COL19A1: variants seen among roughly 807,000 people sequenced by gnomAD.
The protein encoded by COL19A1 is collagen alpha-1(XIX) chain.
A neutral mutation model predicts 190.2 loss-of-function variants in COL19A1; 159 were observed. That is an observed-to-expected ratio of 0.84 (90% CI 0.73 to 0.95). The LOEUF (loss-of-function observed/expected upper bound fraction) is 0.95. Among genes scored for constraint, COL19A1 ranks in the 40% least tolerant of loss-of-function variants. The pLI is 0.00. For synonymous variants in COL19A1, 509 were observed against 458.9 expected (o/e 1.11, Z -1.39); for missense variants, 1,418 against 1,431.9 (o/e 0.99, Z 0.16).
Position 70,063,803 on chromosome 6 carries a change from T to C in COL19A1, c.1171-4620T>C, listed in dbSNP as rs1351971419. The stretch of plus-strand genomic sequence containing the variant: ...AAAATGATAAAGGGGATATCACCAC[T>C]GATCCCACAGAAATACAAACTACCA... On this transcript the variant is annotated intron_variant, in intron 14 of 50. Transcript: ENST00000620364. Among the ~76,000 whole-genome samples, 6 of 152,246 alleles carry C rather than the reference T, an allele frequency of 3.9e-5. No individual in the cohort carries two copies. The South Asian group carries it at 6.2e-4, about 16-fold the overall frequency.
chr6:70,130,329 G>T, intron 18 of COL19A1, 106 bp downstream of exon 18: 1 of 861,330 alleles, frequency 1.2e-6, no homozygotes, highest in Non-Finnish European at 1.8e-6. Flanking sequence ...AGGTTCAAGT[G>T]ATTCTCCTGC....
intron 2 of COL19A1, among the ~76,000 whole-genome samples, chr6:69,886,157 A>G (rs1768917444): frequency 6.6e-6 from 1 of 152,274 alleles, no homozygotes; most frequent in Admixed American, 6.5e-5. Flanking sequence ...ATCTGATTTA[A>G]AAATGGACAA....
At chr6:69,994,425 T>C (rs137982221) in intron 11 of COL19A1, among the ~76,000 whole-genome samples, 13 of 152,258 alleles carry the variant, frequency 8.5e-5, no homozygotes, top group South Asian at 2.1e-4. Flanking sequence ...TAGTGAGTCA[T>C]TGGACCTAGT....
At chr6:70,171,204 T>C (rs1353038711) in intron 40 of COL19A1, among the ~76,000 whole-genome samples, 1 of 152,192 alleles carries the variant, frequency 6.6e-6, no homozygotes, top group Non-Finnish European at 1.5e-5. Flanking sequence ...GTGTATTTTA[T>C]TGGAAGACAA....
At chr6:70,010,138 C>T (rs531346575) in intron 11 of COL19A1, among the ~76,000 whole-genome samples, 3 of 152,206 alleles carry the variant, frequency 2.0e-5, no homozygotes, top group Non-Finnish European at 2.9e-5. Flanking sequence ...AGACAAAGCA[C>T]ACCATGGGAG....
chr6:70,149,231 C>T (rs374353305), intron 27 of COL19A1, among the ~76,000 whole-genome samples: 13 of 151,918 alleles, frequency 8.6e-5, no homozygotes, highest in African/African-American at 3.1e-4. Context: ...TTTATTTATC[C>T]GAAATTCTAA....
chr6:70,051,593 C>T (rs1780205200), intron 14 of COL19A1, among the ~76,000 whole-genome samples: 1 of 152,144 alleles, frequency 6.6e-6, no homozygotes, highest in Admixed American at 6.6e-5. Flanking sequence ...CTTTAACATT[C>T]TAAACAGTAA....
chr6:70,174,771 A>G (rs2150278105), intron 41 of COL19A1, among the ~76,000 whole-genome samples: 1 of 152,308 alleles, frequency 6.6e-6, no homozygotes, highest in Non-Finnish European at 1.5e-5. Context: ...AATTTTAACT[A>G]GGCAAGAGAG....
At chr6:70,095,589 A>G (rs1783201982) in intron 15 of COL19A1, among the ~76,000 whole-genome samples, 1 of 152,228 alleles carries the variant, frequency 6.6e-6, no homozygotes, top group Non-Finnish European at 1.5e-5. Context: ...TATACACTTC[A>G]GTAGTGTCAA....
chr6:69,931,672 A>G (rs1332375598), intron 6 of COL19A1, among the ~76,000 whole-genome samples: 3 of 152,100 alleles, frequency 2.0e-5, no homozygotes, highest in Non-Finnish European at 4.4e-5. Context: ...AATTAACCTT[A>G]ATAACCTTGC....
intron 16 of COL19A1, among the ~76,000 whole-genome samples, chr6:70,118,903 A>G (rs1347285763): frequency 2.0e-5 from 3 of 152,210 alleles, no homozygotes; most frequent in Non-Finnish European, 4.4e-5. Flanking sequence ...GCTCAGCAGC[A>G]GCCAGATCAG....
chr6:69,909,959 G>T (rs947463958), intron 4 of COL19A1, among the ~76,000 whole-genome samples: 2 of 152,154 alleles, frequency 1.3e-5, no homozygotes, highest in African/African-American at 4.8e-5. Flanking sequence ...ACAGGGTAGA[G>T]ATTACATCCA....
chr6:70,097,965 C>A (rs1212743547), intron 15 of COL19A1, among the ~76,000 whole-genome samples: 1 of 152,176 alleles, frequency 6.6e-6, no homozygotes, highest in Non-Finnish European at 1.5e-5. Context: ...CACCCAAGTC[C>A]CCACCTTTTG....
At chr6:70,120,658 CA>C (rs1275399203) in intron 16 of COL19A1, among the ~76,000 whole-genome samples, 2 of 152,142 alleles carry the variant, frequency 1.3e-5, no homozygotes, top group African/African-American at 2.4e-5. Flanking sequence ...TTTGTCTTTC[CA>C]ATCATAGGCA....
rs183487339 is a variant in COL19A1, at chr6:70,123,973, A to T, written c.1341+2031A>T. ...CTTAAAGCATAATAATAATAAATTT[A>T]AAAAAAAAACTAAAAAAAAAAGTGG... On this transcript the variant is annotated intron_variant, in intron 17 of 50. Transcript: ENST00000620364. Among the ~76,000 whole-genome samples, 554 of 143,976 alleles carry T rather than the reference A, an allele frequency of 3.8e-3. 7 individuals are homozygous for T. Among genetic ancestry groups the T allele is most frequent in the East Asian group, 0.013 (47 of 3,678 alleles). The allele number at this position is 143,976 out of a possible 152,430, so 94.5% of individuals were successfully genotyped here. A position where few individuals can be genotyped will look rare whatever the true frequency, so the allele number is the denominator to read the frequency against.
intron 15 of COL19A1, among the ~76,000 whole-genome samples, chr6:70,074,249 A>G (rs1251709809): frequency 6.6e-6 from 1 of 152,166 alleles, no homozygotes; most frequent in African/African-American, 2.4e-5. Context: ...CTGTAATCCC[A>G]GCACTTTGGA....
chr6:69,972,084 T>TA (rs1280268303), intron 11 of COL19A1, among the ~76,000 whole-genome samples: 1 of 152,188 alleles, frequency 6.6e-6, no homozygotes, highest in Non-Finnish European at 1.5e-5. Context: ...TTCTTTCAGT[T>TA]ACTTGAATGT....
At chr6:70,205,708 A>T (rs531625624) in intron 49 of COL19A1, among the ~76,000 whole-genome samples, 4 of 152,262 alleles carry the variant, frequency 2.6e-5, no homozygotes, top group South Asian at 2.1e-4. Context: ...AAATGCAGAT[A>T]AAAATGCTTT....
intron 23 of COL19A1, among the ~76,000 whole-genome samples, chr6:70,143,657 A>G (rs1786408986): frequency 6.6e-6 from 1 of 151,616 alleles, no homozygotes; most frequent in Admixed American, 6.6e-5. Context: ...TACTTTGAAC[A>G]CCCAGTTTAT....
Sources: gnomAD v4.1 joint callset for allele counts (sites outside exome capture counted in the v4.1 genomes callset) on GRCh38, gnomAD v4.1.1 for gene constraint, MANE v1.5 for transcripts, NCBI Gene and HGNC (gene_info 2026-07-23, HGNC 2026-07-21) for gene names.